The following BCKDHA variants were observed in gnomAD, a reference collection of about 807,000 sequenced individuals.
The protein encoded by BCKDHA is 2-oxoisovalerate dehydrogenase subunit alpha, mitochondrial.
BCKDHA carries 43 observed loss-of-function variants against 52.2 expected under a neutral mutation model. The observed-to-expected ratio is 0.82, with a 90% CI of 0.64 to 1.06. The LOEUF (loss-of-function observed/expected upper bound fraction) is 1.06. BCKDHA is among the 50% of genes least tolerant of loss of function. The pLI, the probability that BCKDHA is intolerant of heterozygous loss-of-function variation, is 0.00. For synonymous variants in BCKDHA, 234 were observed against 247.9 expected (o/e 0.94, Z 0.53); for missense variants, 527 against 621.3 (o/e 0.85, Z 1.61).
Position 41,410,645 on chromosome 19 carries a change from C to A in BCKDHA, c.117C>A (p.Pro39=), listed in dbSNP as rs80014754. 2.0e-4 allele frequency: 325 copies of A among 1,614,152 alleles called. No homozygotes were observed. The highest frequency in any genetic ancestry group is 7.6e-4 in the African/African-American group (57 of 75,034). ...TCTGCTCTCTTCCCCAGCACCCCCC[C>A]AGGCAGCAGCAGCAGTTTTCATCTC... The part of the protein sequence containing the change: ...GARGLARSHP[P]RQQQQFSSLD... Residue 39 remains proline (P), a synonymous_variant, in exon 2 of 9, where the codon CCC becomes CCA. Coordinates refer to ENST00000269980, the MANE Select transcript of BCKDHA (RefSeq NM_000709.4).
chr19:41,411,627 A>G (rs2123255731), intron 3 of BCKDHA, among the ~76,000 whole-genome samples: 1 of 152,324 alleles, frequency 6.6e-6, no homozygotes, highest in South Asian at 2.1e-4. Flanking sequence ...TGACATCTGC[A>G]TACATTTCCT....
chr19:41,423,398 C>T (rs1179571870), intron 8 of BCKDHA, among the ~76,000 whole-genome samples: 1 of 152,200 alleles, frequency 6.6e-6, no homozygotes, highest in East Asian at 1.9e-4. Flanking sequence ...GTGCCCATTT[C>T]AGAAACTGGT....
At chr19:41,399,862 T>A (rs1179195347) in intron 1 of BCKDHA, 2 of 152,054 alleles carry the variant, frequency 1.3e-5, no homozygotes, top group Non-Finnish European at 2.9e-5. Flanking sequence ...CTTGACTTAC[T>A]GCAATCTCTG....
rs147021347 is a variant in BCKDHA, at chr19:41,424,521, C to T, written c.1251C>T (p.Pro417=). 2.5e-4 allele frequency: 397 copies of T among 1,614,118 alleles called. No homozygotes were observed. The highest frequency in any genetic ancestry group is 3.1e-4 in the Non-Finnish European group (363 of 1,180,004). ...TCTCAGACGTGTATCAGGAGATGCC[C>T]GCCCAGCTCCGCAAGCAGCAGGAGT... The part of the protein sequence containing the change: ...LLFSDVYQEM[P]AQLRKQQESL... The change falls in exon 9 of 9, where the codon CCC becomes CCT. Residue 417 remains proline, a synonymous_variant. Coordinates refer to ENST00000269980, the MANE Select transcript of BCKDHA (RefSeq NM_000709.4).
At chr19:41,401,685 T>A (rs1390357153) in intron 1 of BCKDHA, among the ~76,000 whole-genome samples, 1 of 152,080 alleles carries the variant, frequency 6.6e-6, no homozygotes, top group African/African-American at 2.4e-5. Flanking sequence ...GAATTGTGAG[T>A]CAGTTTCTCA....
At chr19:41,406,073 C>T (rs369440614) in intron 1 of BCKDHA, among the ~76,000 whole-genome samples, 6 of 152,158 alleles carry the variant, frequency 3.9e-5, no homozygotes, top group East Asian at 1.9e-4. Context: ...CCAGGCACAG[C>T]GTGGAGCCCT....
At chr19:41,408,511 C>T (rs556607079) in intron 1 of BCKDHA, among the ~76,000 whole-genome samples, 1 of 152,148 alleles carries the variant, frequency 6.6e-6, no homozygotes, top group East Asian at 1.9e-4. Context: ...GGGTTCATAT[C>T]CCTTTGAGCA....
At position 41,422,782 on chromosome 19, in the gene BCKDHA, T is replaced by C; in HGVS notation, c.995+12T>C. Reference sequence around the variant, plus strand: ...GCCATGACCTACAGGTGCCTGCCGCTCCCCCCGTCAGCACCCCCACAGCAC... The same window carrying C: ...GCCATGACCTACAGGTGCCTGCCGCCCCCCCCGTCAGCACCCCCACAGCAC... On this transcript the variant is annotated intron_variant, in intron 7 of 8. Transcript: ENST00000269980. 6.2e-7 allele frequency: 1 copy of C among 1,611,950 alleles called. No individual in the cohort carries two copies. Among genetic ancestry groups the C allele is most frequent in the Non-Finnish European group, 8.5e-7 (1 of 1,179,852 alleles).
In BCKDHA at chr19:41,406,625, A is replaced by G. The variant is rs529040369; in HGVS notation, c.109-4012A>G. ...ACTCTTGTCACCCAGGCTGGAGTGC[A>G]ATGGTGCCATCTTGGCTCACTGCAA... On this transcript the variant is annotated intron_variant, in intron 1 of 8. Transcript: ENST00000269980. Among the ~76,000 whole-genome samples the G allele has an allele frequency of 1.8e-4, 28 of 151,618 alleles. No individual in the cohort carries two copies. The South Asian group carries it at 5.6e-3, about 30-fold the overall frequency.
chr19:41,411,055 G>T, intron 3 of BCKDHA, 46 bp downstream of exon 3: 1 of 1,593,992 alleles, frequency 6.3e-7, no homozygotes, highest in Non-Finnish European at 8.6e-7. Flanking sequence ...ATTACCTGAG[G>T]TCCCCTACCT....
chr19:41,407,028 A>C (rs776908095), intron 1 of BCKDHA, among the ~76,000 whole-genome samples: 1 of 152,168 alleles, frequency 6.6e-6, no homozygotes, highest in Non-Finnish European at 1.5e-5. Context: ...GCACATCGCC[A>C]CAGTTTGATT....
chr19:41,411,106 CT>C, intron 3 of BCKDHA, 97 bp downstream of exon 3: 1 of 1,354,572 alleles, frequency 7.4e-7, no homozygotes, highest in Non-Finnish European at 1.0e-6. Flanking sequence ...AGGACAGATT[CT>C]TTTTTGGGGG....
At chr19:41,400,093 C>T (rs952031626) in intron 1 of BCKDHA, among the ~76,000 whole-genome samples, 3 of 151,926 alleles carry the variant, frequency 2.0e-5, no homozygotes, top group African/African-American at 7.3e-5. Context: ...GACAAGGTCT[C>T]ACTCTGTCAC....
chr19:41,422,485 G>A, intron 6 of BCKDHA, 115 bp downstream of exon 6: 1 of 1,570,046 alleles, frequency 6.4e-7, no homozygotes, highest in African/African-American at 1.4e-5. Context: ...TGTGTCCTGT[G>A]GCGTCTGGCA....
intron 6 of BCKDHA, 112 bp downstream of exon 6, chr19:41,422,482 T>C: frequency 6.4e-7 from 1 of 1,569,794 alleles, no homozygotes; most frequent in East Asian, 2.2e-5. Context: ...TCCTGTGTCC[T>C]GTGGCGTCTG....
chr19:41,415,252 A>G (rs571449625), intron 4 of BCKDHA: 1 of 152,468 alleles, frequency 6.6e-6, no homozygotes, highest in African/African-American at 2.4e-5. Context: ...AGATTTCCAG[A>G]CACCAGGCAG....
Position 41,406,343 on chromosome 19 carries a change from G to A in BCKDHA, c.109-4294G>A, listed in dbSNP as rs969480246. On this transcript the variant is annotated intron_variant, in intron 1 of 8. Transcript: ENST00000269980. The stretch of plus-strand genomic sequence containing the variant: ...GCCTTCGGTCCTCTTCCATCAGCAT[G>A]CCGTCTCCCCTGTGCCTCAGTCTCC... Among the ~76,000 whole-genome samples, 7 of 152,110 alleles carry A rather than the reference G, an allele frequency of 4.6e-5. 1 individual carries two copies. Among genetic ancestry groups the A allele is most frequent in the African/African-American group, 1.4e-4 (6 of 41,410 alleles).
In BCKDHA at chr19:41,419,160, C is replaced by G. The variant is rs1163026059; in HGVS notation, c.510C>G (p.Pro170=). 1.9e-6 allele frequency: 3 copies of G among 1,614,098 alleles called. No individual in the cohort carries two copies. Among genetic ancestry groups the G allele is most frequent in the Non-Finnish European group, 2.5e-6 (3 of 1,180,030 alleles). ...GTGTGCTGATGTATCGGGACTACCCCCTGGAACTATTCATGGCCCAGTGCT... is the reference window on the plus strand; with the variant it reads ...GTGTGCTGATGTATCGGGACTACCCGCTGGAACTATTCATGGCCCAGTGCT... ...EAGVLMYRDY[P]LELFMAQCYG... Residue 170 remains proline (P), a synonymous_variant, in exon 5 of 9, where the codon CCC becomes CCG. Coordinates refer to ENST00000269980, the MANE Select transcript of BCKDHA (RefSeq NM_000709.4).
In BCKDHA at chr19:41,422,787, C is replaced by T. The variant is rs376811066; in HGVS notation, c.995+17C>T. 2.5e-6 allele frequency: 4 copies of T among 1,612,702 alleles called. No homozygotes were observed. Among genetic ancestry groups the T allele is most frequent in the Non-Finnish European group, 2.5e-6 (3 of 1,179,978 alleles). On this transcript the variant is annotated intron_variant, in intron 7 of 8. Coordinates refer to ENST00000269980, the MANE Select transcript of BCKDHA (RefSeq NM_000709.4). ...GACCTACAGGTGCCTGCCGCTCCCC[C>T]CGTCAGCACCCCCACAGCACTGACA...
Sources: gnomAD v4.1 joint callset for allele counts (sites outside exome capture counted in the v4.1 genomes callset) on GRCh38, gnomAD v4.1.1 for gene constraint, MANE v1.5 for transcripts, NCBI Gene and HGNC (gene_info 2026-07-23, HGNC 2026-07-21) for gene names.